Variants in ARMC2 observed in about 807,000 individuals in gnomAD.
ARMC2 encodes armadillo repeat-containing protein 2.
ARMC2 carries 67 observed loss-of-function variants against 90.3 expected under a neutral mutation model. That is an observed-to-expected ratio of 0.74 (90% CI 0.61 to 0.91). The LOEUF (loss-of-function observed/expected upper bound fraction) is 0.91, where lower values mean the gene tolerates loss of function less well. Ranked by LOEUF, ARMC2 falls within the 40% of genes least tolerant of loss-of-function variation. The pLI is 0.00. For synonymous variants in ARMC2, 393 were observed against 393.0 expected, an observed-to-expected ratio of 1.00 and a Z score of 0.00; for missense variants, 920 against 1,030.9, an observed-to-expected ratio of 0.89 and a Z score of 1.47.
At chr6:108,967,048 C>A (rs938554253) in intron 17 of ARMC2, among the ~76,000 whole-genome samples, 1 of 152,224 alleles carries the variant, frequency 6.6e-6, no homozygotes. Context: ...TGAGCTCCGC[C>A]CCCTGGGCTC....
chr6:109,040,265 G>A, the ARMC2 span, among the ~76,000 whole-genome samples: 2 of 152,004 alleles, frequency 1.3e-5, no homozygotes, highest in Non-Finnish European at 1.5e-5. Context: ...TCCTTTATAT[G>A]ACATTCCTTT....
chr6:108,905,538 G>GAA (rs59313750), intron 8 of ARMC2, among the ~76,000 whole-genome samples: 8 of 130,178 alleles, frequency 6.1e-5, no homozygotes, highest in South Asian at 2.4e-4. Context: ...AAAGAGTGAG[G>GAA]AAAAAAAAAA....
At chr6:108,923,489 T>G (rs1352459615) in intron 10 of ARMC2, among the ~76,000 whole-genome samples, 1 of 151,974 alleles carries the variant, frequency 6.6e-6, no homozygotes. Flanking sequence ...GAGTTCTTGT[T>G]TTCTTTTTTT....
chr6:108,985,760 C>A, the ARMC2 span, among the ~76,000 whole-genome samples: 13,694 of 152,136 alleles, frequency 0.09, 839 homozygotes, highest in Middle Eastern at 0.2. Context: ...TTTTAACTAT[C>A]TTCTTGGGTT....
the ARMC2 span, among the ~76,000 whole-genome samples, chr6:109,004,568 C>A: frequency 4.0e-5 from 6 of 151,790 alleles, no homozygotes; most frequent in Non-Finnish European, 7.4e-5. Flanking sequence ...GTAGCTAGGA[C>A]CACAGGCGTG....
At chr6:108,879,905 C>G in intron 5 of ARMC2, 1 of 469,820 alleles carries the variant, frequency 2.1e-6, no homozygotes, top group South Asian at 1.6e-5. Context: ...TAACTCTGCT[C>G]TTTTACTCCC....
chr6:108,937,128 G>T, intron 12 of ARMC2, 129 bp downstream of exon 12: 1 of 772,096 alleles, frequency 1.3e-6, no homozygotes, highest in Non-Finnish European at 2.0e-6. Context: ...ATGTATAATG[G>T]GCTGTCCTGG....
intron 5 of ARMC2, among the ~76,000 whole-genome samples, chr6:108,884,773 G>T (rs1043629841): frequency 6.6e-6 from 1 of 152,156 alleles, no homozygotes; most frequent in Admixed American, 6.5e-5. Flanking sequence ...GGTGACTTTC[G>T]CTGTCAGTTA....
chr6:109,027,431 C>G, the ARMC2 span, among the ~76,000 whole-genome samples: 1 of 143,186 alleles, frequency 7.0e-6, no homozygotes, highest in African/African-American at 2.6e-5. Context: ...GAGCTGAGAT[C>G]GCGCCACTGC....
chr6:108,942,957 C>T (rs1465184008), intron 12 of ARMC2, among the ~76,000 whole-genome samples: 2 of 152,082 alleles, frequency 1.3e-5, no homozygotes, highest in Non-Finnish European at 2.9e-5. Flanking sequence ...GAAATGTCAC[C>T]TACACATGCC....
At chr6:108,998,059 G>T in the ARMC2 span, among the ~76,000 whole-genome samples, 2 of 152,156 alleles carry the variant, frequency 1.3e-5, no homozygotes, top group Non-Finnish European at 2.9e-5. Context: ...GAAATTTCTA[G>T]ATCAAAGTTG....
chr6:108,913,649 C>G (rs1253862024), intron 10 of ARMC2, among the ~76,000 whole-genome samples: 1 of 151,976 alleles, frequency 6.6e-6, no homozygotes, highest in African/African-American at 2.4e-5. Context: ...ATTTTTTCAC[C>G]CTGAGATAAC....
At chr6:108,891,459 T>C (rs1297788910) in intron 5 of ARMC2, among the ~76,000 whole-genome samples, 1 of 152,264 alleles carries the variant, frequency 6.6e-6, no homozygotes, top group Non-Finnish European at 1.5e-5. Context: ...TGGAGTGAGA[T>C]GATATCTCAT....
chr6:108,884,372 C>T (rs894586648), intron 5 of ARMC2, among the ~76,000 whole-genome samples: 8 of 152,268 alleles, frequency 5.3e-5, no homozygotes, highest in Admixed American at 4.6e-4. Flanking sequence ...GCTTTGAATG[C>T]ACACACAAGG....
intron 10 of ARMC2, among the ~76,000 whole-genome samples, chr6:108,915,204 C>T (rs1208099340): frequency 6.6e-6 from 1 of 152,150 alleles, no homozygotes; most frequent in East Asian, 1.9e-4. Flanking sequence ...GATCTGCCCA[C>T]CTCGGCCTCC....
chr6:109,045,763 A>C, the ARMC2 span, among the ~76,000 whole-genome samples: 1 of 152,216 alleles, frequency 6.6e-6, no homozygotes, highest in Non-Finnish European at 1.5e-5. Flanking sequence ...TATATACCAT[A>C]ACTGCCTGTT....
At chr6:108,944,783 A>G (rs567920736) in intron 12 of ARMC2, among the ~76,000 whole-genome samples, 1 of 151,862 alleles carries the variant, frequency 6.6e-6, no homozygotes, top group South Asian at 2.1e-4. Flanking sequence ...CTCCGTTTCC[A>G]TCTGTATGTG....
chr6:108,971,603 A>G (rs4992384), intron 17 of ARMC2, among the ~76,000 whole-genome samples: 26,827 of 151,952 alleles, frequency 0.18, 2,687 homozygotes, highest in African/African-American at 0.27. Flanking sequence ...GCATTTTGTA[A>G]TAGGATTTTC....
chr6:108,898,234 C>T (rs556595584), intron 6 of ARMC2, among the ~76,000 whole-genome samples: 29 of 152,168 alleles, frequency 1.9e-4, no homozygotes, highest in Middle Eastern at 3.4e-3. Context: ...GCCATATACC[C>T]GTTTGCTCCT....
Sources: gnomAD v4.1 joint callset for allele counts (sites outside exome capture counted in the v4.1 genomes callset) on GRCh38, gnomAD v4.1.1 for gene constraint, MANE v1.5 for transcripts, NCBI Gene and HGNC (gene_info 2026-07-23, HGNC 2026-07-21) for gene names.